The following KIAA1328 variants were observed in gnomAD, a reference collection of about 807,000 sequenced individuals.
KIAA1328 encodes the protein KIAA1328, also known as protein hinderin.
In KIAA1328, 52 loss-of-function variants were observed where a neutral mutation model predicts 68.1. That is an observed-to-expected ratio of 0.76 (90% CI 0.61 to 0.96). KIAA1328 has a LOEUF of 0.96. KIAA1328 is among the 40% of genes least tolerant of loss of function. KIAA1328 has a pLI of 0.00. For missense variants in KIAA1328, 641 were observed against 677.6 expected (o/e 0.95, Z 0.60); for synonymous variants, 232 against 239.4 (o/e 0.97, Z 0.28).
intron 5 of KIAA1328, among the ~76,000 whole-genome samples, chr18:36,917,147 A>C (rs1159597011): frequency 1.3e-5 from 2 of 151,766 alleles, no homozygotes; most frequent in African/African-American, 2.4e-5. Context: ...ATTTCCATTG[A>C]TTTCCTTCAT....
intron 7 of KIAA1328, among the ~76,000 whole-genome samples, chr18:37,110,436 A>C (rs947778949): frequency 1.3e-5 from 2 of 152,204 alleles, no homozygotes; most frequent in African/African-American, 4.8e-5. Context: ...TTAAGAAGTA[A>C]TTATTAAGTC....
intron 6 of KIAA1328, among the ~76,000 whole-genome samples, chr18:37,011,664 C>T (rs925392934): frequency 1.3e-5 from 2 of 152,116 alleles, no homozygotes; most frequent in African/African-American, 4.8e-5. Flanking sequence ...TAACTTGGCA[C>T]GCACAGTATA....
At chr18:37,071,057 CTTTTTTTTT>C (rs58722044) in intron 7 of KIAA1328, among the ~76,000 whole-genome samples, 2 of 86,836 alleles carry the variant, frequency 2.3e-5, no homozygotes, top group Non-Finnish European at 4.6e-5. Context: ...TTTTTTCTTC[CTTTTTTTTT>C]TTTTTTTTTT....
intron 7 of KIAA1328, among the ~76,000 whole-genome samples, chr18:37,128,004 G>GA (rs956192975): frequency 1.4e-4 from 21 of 146,124 alleles, no homozygotes; most frequent in South Asian, 2.2e-4. Flanking sequence ...TCAGTGGATT[G>GA]AAAAAAAAAA....
At chr18:37,190,552 C>T (rs1052953153) in intron 9 of KIAA1328, among the ~76,000 whole-genome samples, 1 of 152,112 alleles carries the variant, frequency 6.6e-6, no homozygotes, top group Non-Finnish European at 1.5e-5. Context: ...TGTCAGTTTC[C>T]AGAAGCACGG....
chr18:37,228,444 T>C (rs533100048), downstream of KIAA1328, among the ~76,000 whole-genome samples: 18 of 152,256 alleles, frequency 1.2e-4, no homozygotes, highest in South Asian at 3.7e-3. Flanking sequence ...AAGAAATTGC[T>C]ACAGCCACAC....
intron 6 of KIAA1328, among the ~76,000 whole-genome samples, chr18:37,010,389 G>C (rs1165313411): frequency 7.2e-6 from 1 of 138,262 alleles, no homozygotes; most frequent in East Asian, 2.2e-4. Flanking sequence ...ATTGCAGTGA[G>C]CCGAGATTGT....
intron 9 of KIAA1328, among the ~76,000 whole-genome samples, chr18:37,213,827 T>C (rs1295206978): frequency 1.3e-5 from 2 of 152,232 alleles, no homozygotes; most frequent in Non-Finnish European, 2.9e-5. Context: ...CCTGACTTTT[T>C]AATGATCACC....
chr18:36,943,801 T>C (rs1281346009), intron 5 of KIAA1328, among the ~76,000 whole-genome samples: 2 of 152,210 alleles, frequency 1.3e-5, no homozygotes, highest in Admixed American at 6.5e-5. Context: ...ACTTAATTCA[T>C]TTGTATTATA....
chr18:37,136,734 T>A (rs2058654474), intron 7 of KIAA1328, among the ~76,000 whole-genome samples: 1 of 152,258 alleles, frequency 6.6e-6, no homozygotes, highest in Non-Finnish European at 1.5e-5. Context: ...TAGTTTATAT[T>A]GAACTGACAT....
chr18:36,991,243 T>C (rs2053165183), intron 6 of KIAA1328, among the ~76,000 whole-genome samples: 1 of 152,240 alleles, frequency 6.6e-6, no homozygotes, highest in South Asian at 2.1e-4. Context: ...TTGCATTTTC[T>C]CTTATGGCTG....
At chr18:37,175,386 G>A (rs996224083) in intron 9 of KIAA1328, among the ~76,000 whole-genome samples, 1 of 152,090 alleles carries the variant, frequency 6.6e-6, no homozygotes, top group African/African-American at 2.4e-5. Context: ...ACAAGCCCAG[G>A]TTAAAACTGC....
intron 7 of KIAA1328, among the ~76,000 whole-genome samples, chr18:37,068,374 A>G (rs2056416721): frequency 6.6e-6 from 1 of 152,228 alleles, no homozygotes; most frequent in Admixed American, 6.5e-5. Context: ...ACCTATCCAC[A>G]TGTAGGCTGT....
In KIAA1328 at chr18:36,835,214, T is replaced by A. The variant is rs759660960; in HGVS notation, c.95-20T>A. On this transcript the variant is annotated intron_variant, in intron 2 of 9. Coordinates refer to ENST00000280020, the MANE Select transcript of KIAA1328 (RefSeq NM_020776.3). ...ATAATAAGGTATAATTTTGAAATCTTGTTTAATGGAAATCCTTAGGAATTT... is the reference window on the plus strand; with the variant it reads ...ATAATAAGGTATAATTTTGAAATCTAGTTTAATGGAAATCCTTAGGAATTT... 1.9e-6 allele frequency: 3 copies of A among 1,606,410 alleles called. No homozygotes were observed. Among genetic ancestry groups the A allele is most frequent in the Non-Finnish European group, 2.5e-6 (3 of 1,176,674 alleles).
intron 6 of KIAA1328, among the ~76,000 whole-genome samples, chr18:36,973,124 C>A (rs1279097287): frequency 6.6e-6 from 1 of 152,110 alleles, no homozygotes; most frequent in Non-Finnish European, 1.5e-5. Context: ...CACATATACA[C>A]CATGGAATAC....
intron 7 of KIAA1328, among the ~76,000 whole-genome samples, chr18:37,072,655 T>C (rs1299192984): frequency 6.6e-6 from 1 of 152,172 alleles, no homozygotes; most frequent in African/African-American, 2.4e-5. Flanking sequence ...TTTTTTTAAA[T>C]GTTACTTTAA....
At chr18:37,193,693 A>G (rs1322345565) in intron 9 of KIAA1328, 2 of 697,316 alleles carry the variant, frequency 2.9e-6, no homozygotes, top group African/African-American at 1.8e-5. Flanking sequence ...GAACCTATTA[A>G]GGTATTTCAT....
chr18:37,086,907 A>T (rs2057121787), intron 7 of KIAA1328, among the ~76,000 whole-genome samples: 1 of 152,200 alleles, frequency 6.6e-6, no homozygotes, highest in Non-Finnish European at 1.5e-5. Flanking sequence ...ATTCATGCAG[A>T]ATCTTTTAAC....
downstream of KIAA1328, among the ~76,000 whole-genome samples, chr18:37,227,564 T>G (rs547528099): frequency 4.6e-5 from 7 of 152,326 alleles, no homozygotes; most frequent in African/African-American, 1.7e-4. Flanking sequence ...CCATGCTCTA[T>G]AAAAGGAACA....
Sources: allele counts gnomAD v4.1 joint callset (sites outside exome capture counted in the v4.1 genomes callset), GRCh38; gene constraint gnomAD v4.1.1; transcripts MANE v1.5; gene names NCBI Gene and HGNC (gene_info 2026-07-23, HGNC 2026-07-21).